Variants in IKBKB observed in about 807,000 individuals in gnomAD.
IKBKB encodes inhibitor of nuclear factor kappa B kinase subunit beta, also known as inhibitor of nuclear factor kappa-B kinase subunit beta.
In IKBKB, 42 loss-of-function variants were observed where a neutral mutation model predicts 113.6. The ratio of observed to expected loss-of-function variants is 0.37; its 90% CI spans 0.29 to 0.48. IKBKB has a LOEUF of 0.48. IKBKB is among the 20% of genes least tolerant of loss of function. IKBKB has a pLI of 0.99. For missense variants in IKBKB, 673 were observed against 939.7 expected, an observed-to-expected ratio of 0.72 and a Z score of 3.71; for synonymous variants, 296 against 361.3, an observed-to-expected ratio of 0.82 and a Z score of 2.05.
In IKBKB at chr8:42,293,423, G is replaced by C. The variant is rs759889580; in HGVS notation, c.319-20G>C. ...GTTTGTGACCACCAGCTCTGATGCT[G>C]CTTTTCACTTTCTTGACAGTACCTG... is the stretch of plus-strand genomic sequence containing the variant. On this transcript the variant is annotated intron_variant, in intron 4 of 21. Transcript: ENST00000520810. The C allele has an allele frequency of 1.1e-5, 18 of 1,614,010 alleles. No homozygotes were observed. Among genetic ancestry groups the C allele is most frequent in the Admixed American group, 3.3e-5 (2 of 59,996 alleles).
rs1180052248 is a variant in IKBKB at position 42,320,899 on chromosome 8, G to A, written c.1688+55G>A. 6 of 1,173,422 alleles carry A rather than the reference G, an allele frequency of 5.1e-6. No homozygotes were observed. The East Asian group carries it at 1.3e-4, about 25-fold the overall frequency. 72.7% of individuals were successfully genotyped at this position (1,173,422 alleles called of 1,614,324 possible). On this transcript the variant is annotated intron_variant, in intron 16 of 21. Coordinates refer to ENST00000520810, the MANE Select transcript of IKBKB (RefSeq NM_001556.3). The stretch of plus-strand genomic sequence containing the variant: ...CCCAGCACACACAGACAGCCCTGGA[G>A]CTTCGGTGTGTGTGTCAAGGGCACC...
intron 7 of IKBKB, among the ~76,000 whole-genome samples, chr8:42,307,493 G>A (rs1296206059): frequency 6.6e-6 from 1 of 152,318 alleles, no homozygotes; most frequent in Non-Finnish European, 1.5e-5. Context: ...AGTGGGTGAG[G>A]TAGGGGCAGT....
chr8:42,278,556 G>A (rs963736320), intron 2 of IKBKB, among the ~76,000 whole-genome samples: 23 of 152,266 alleles, frequency 1.5e-4, no homozygotes, highest in Admixed American at 1.1e-3. Context: ...TTAATAGCCC[G>A]CTCCGGCCTG....
Position 42,325,322 on chromosome 8 carries a change from A to G in IKBKB, c.1987-648A>G, listed in dbSNP as rs148775731. On this transcript the variant is annotated intron_variant, in intron 19 of 21. Coordinates refer to ENST00000520810, the MANE Select transcript of IKBKB (RefSeq NM_001556.3). ...GAGGATGCAAGCCACAGGAATTCCC[A>G]TAGCCTTTGTGTGTGTGTCTGTCTT... The G allele has an allele frequency of 3.7e-5, 36 of 985,654 alleles. No homozygotes were observed. The East Asian group carries it at 3.6e-3, about 99-fold the overall frequency. 61.1% of individuals were successfully genotyped at this position (985,654 alleles called of 1,614,324 possible). A position where few individuals can be genotyped will look rare whatever the true frequency, so the allele number is the denominator to read the frequency against.
At chr8:42,312,908 C>A (rs1817989683) in intron 8 of IKBKB, among the ~76,000 whole-genome samples, 1 of 152,198 alleles carries the variant, frequency 6.6e-6, no homozygotes, top group South Asian at 2.1e-4. Flanking sequence ...GACATTCAGA[C>A]AGAATAGAAA....
At chr8:42,328,954 T>G (rs1336058515) in intron 20 of IKBKB, among the ~76,000 whole-genome samples, 170 bp from the exon 21 acceptor site, 1 of 152,246 alleles carries the variant, frequency 6.6e-6, no homozygotes. Context: ...CATAACAAGA[T>G]GAATGAAAGT....
intron 2 of IKBKB, among the ~76,000 whole-genome samples, chr8:42,280,212 T>C (rs1056653116): frequency 3.9e-5 from 6 of 152,082 alleles, no homozygotes; most frequent in Admixed American, 2.0e-4. Context: ...GAACCCCACA[T>C]TGAGTGTTTC....
chr8:42,295,238 C>G (rs966205275), intron 5 of IKBKB, among the ~76,000 whole-genome samples: 1 of 151,766 alleles, frequency 6.6e-6, no homozygotes, highest in African/African-American at 2.4e-5. Flanking sequence ...CCTCCATGAG[C>G]CTCCTGAGTA....
At chr8:42,322,622 G>T in intron 19 of IKBKB, 128 bp downstream of exon 19, 3 of 894,930 alleles carry the variant, frequency 3.4e-6, no homozygotes, top group South Asian at 1.6e-5. Flanking sequence ...TGCTGCTCGG[G>T]CTTCACGTCG....
rs1007889284 is a variant in IKBKB, at chr8:42,331,284, C to T, written c.*305C>T. On this transcript the variant is annotated 3_prime_UTR_variant, in exon 22 of 22. Transcript: ENST00000520810. ...TCCATTACAGAGGCCCAGCGCACATCGCTGGCCCCACAAACGTTCAGGGGT... is the reference window on the plus strand; with the variant it reads ...TCCATTACAGAGGCCCAGCGCACATTGCTGGCCCCACAAACGTTCAGGGGT... 2.6e-5 allele frequency: 18 copies of T among 702,096 alleles called. No individual in the cohort carries two copies. The highest frequency in any genetic ancestry group is 2.9e-4 in the Middle Eastern group (1 of 3,464). The allele number at this position is 702,096 out of a possible 1,614,324, so 43.5% of individuals were successfully genotyped here. A position where few individuals can be genotyped will look rare whatever the true frequency, so the allele number is the denominator to read the frequency against.
chr8:42,331,058 G>A lies in IKBKB; in HGVS notation c.*79G>A, dbSNP rs199680842. On this transcript the variant is annotated 3_prime_UTR_variant, in exon 22 of 22. Coordinates refer to ENST00000520810, the MANE Select transcript of IKBKB (RefSeq NM_001556.3). ...GTGGGGGGACTCGACCCCCTGACAT[G>A]GGGCTGCCTGGAGCAGGCCGCGTGA... The A allele has an allele frequency of 6.3e-7, 1 of 1,587,360 alleles. No homozygotes were observed. The highest frequency in any genetic ancestry group is 8.6e-7 in the Non-Finnish European group (1 of 1,167,344).
chr8:42,276,831 AT>A (rs1205616388), intron 2 of IKBKB, among the ~76,000 whole-genome samples: 1 of 144,094 alleles, frequency 6.9e-6, no homozygotes, highest in African/African-American at 2.6e-5. Flanking sequence ...AGTAGCTGGG[AT>A]TACAGGCAGC....
In IKBKB at chr8:42,288,651, T is replaced by G; in HGVS notation, c.123T>G (p.Ile41Met). The change falls in exon 3 of 22, where the codon ATT (isoleucine) becomes ATG (methionine). Residue 41 changes from isoleucine to methionine, a missense_variant. This residue lies in a region of IKBKB where 167 missense variants were observed against 301.0 expected (regional missense o/e 0.55). Coordinates refer to ENST00000520810, the MANE Select transcript of IKBKB (RefSeq NM_001556.3). ...RWHNQETGEQ[I>M]AIKQCRQELS... ...TTCTGTAGGAAACAGGTGAGCAGAT[T>G]GCCATCAAGCAGTGCCGGCAGGAGC... is the stretch of plus-strand genomic sequence containing the variant. 6.2e-7 allele frequency: 1 copy of G among 1,610,688 alleles called. No homozygotes were observed. The highest frequency in any genetic ancestry group is 1.1e-5 in the South Asian group (1 of 90,932).
At chr8:42,325,521 A>G (rs1820570518) in intron 19 of IKBKB, 1 of 655,442 alleles carries the variant, frequency 1.5e-6, no homozygotes, top group African/African-American at 2.0e-5. Context: ...TCTACTAAAA[A>G]TACAAAAATT....
In IKBKB at chr8:42,288,363, G is replaced by A. The variant is rs562048398; in HGVS notation, c.106-271G>A. Reference sequence around the variant, plus strand: ...GATTGTGCCAGTGCACTTCAGCTTGGGCGACAGAGCAAGACTCCATCTCAA... The same window carrying A: ...GATTGTGCCAGTGCACTTCAGCTTGAGCGACAGAGCAAGACTCCATCTCAA... On this transcript the variant is annotated intron_variant, in intron 2 of 21. Transcript: ENST00000520810. Among the ~76,000 whole-genome samples the A allele has an allele frequency of 2.7e-5, 4 of 150,636 alleles. No individual in the cohort carries two copies. The South Asian group carries it at 8.5e-4, about 32-fold the overall frequency.
rs1344066271 is a variant in IKBKB, at chr8:42,331,148, CTG to C, written c.*170_*171del. ...TGCTGCACTGATGGCCCAGGGGTCT[CTG>C]GTATCCAGATGGAGCTCTCGCTTCC... On this transcript the variant is annotated 3_prime_UTR_variant, in exon 22 of 22. Coordinates refer to ENST00000520810, the MANE Select transcript of IKBKB (RefSeq NM_001556.3). 1 of 1,001,752 alleles carries C rather than the reference CTG, an allele frequency of 1.0e-6. No homozygotes were observed. The highest frequency in any genetic ancestry group is 1.5e-6 in the Non-Finnish European group (1 of 661,940). 62.1% of individuals were successfully genotyped at this position (1,001,752 alleles called of 1,614,324 possible).
At chr8:42,325,862 C>T in intron 19 of IKBKB, 108 bp from the exon 20 acceptor site, 6 of 1,554,884 alleles carry the variant, frequency 3.9e-6, no homozygotes, top group Non-Finnish European at 5.2e-6. Context: ...GTAGGGTTAG[C>T]TCTGGCCTCT....
chr8:42,307,405 G>T (rs1365117872), intron 7 of IKBKB, among the ~76,000 whole-genome samples: 1 of 152,222 alleles, frequency 6.6e-6, no homozygotes, highest in East Asian at 1.9e-4. Flanking sequence ...TGGGTTTTAA[G>T]TGGGAGAAGG....
At chr8:42,327,799 A>C in intron 20 of IKBKB, among the ~76,000 whole-genome samples, 1 of 21,532 alleles carries the variant, frequency 4.6e-5, no homozygotes, top group African/African-American at 9.9e-5. Flanking sequence ...GGCCTGGCTA[A>C]TTTTGTATTT....
Sources: gnomAD v4.1 joint callset for allele counts (sites outside exome capture counted in the v4.1 genomes callset) on GRCh38, gnomAD v4.1.1 for gene constraint, gnomAD v4.1.1 regional missense constraint, MANE v1.5 for transcripts, NCBI Gene and HGNC (gene_info 2026-07-23, HGNC 2026-07-21) for gene names.